The following STK25 variants were observed in gnomAD, a reference collection of about 807,000 sequenced individuals.
STK25 encodes the protein serine/threonine-protein kinase 25.
In STK25, 29 loss-of-function variants were observed where a neutral mutation model predicts 53.8. The observed-to-expected ratio is 0.54, with a 90% confidence interval of 0.40 to 0.74. The LOEUF (loss-of-function observed/expected upper bound fraction) is 0.74. STK25 is among the 30% of genes least tolerant of loss of function. The pLI, the probability that STK25 is intolerant of heterozygous loss-of-function variation, is 0.00. For synonymous variants in STK25, 247 were observed against 238.3 expected (o/e 1.04, Z -0.33); for missense variants, 420 against 568.0 (o/e 0.74, Z 2.65).
rs553216089 is a variant in STK25 at position 241,507,315 on chromosome 2, G to A, written c.30+691C>T. Among the ~76,000 whole-genome samples the A allele has an allele frequency of 7.2e-5, 11 of 152,324 alleles. No individual in the cohort carries two copies. The East Asian group carries it at 2.1e-3, about 29-fold the overall frequency. ...GCAGCTGGTCCTCATTCCAGGCTAA[G>A]GGCTCGCCGTAGTGGCTCCCTCCGA... On this transcript the variant is annotated intron_variant, in intron 2 of 11. Transcript: ENST00000316586.
Position 241,494,168 on chromosome 2 carries a change from A to G in STK25, c.*1494T>C, listed in dbSNP as rs865953320. 9 of 1,238,444 alleles carry G rather than the reference A, an allele frequency of 7.3e-6. No individual in the cohort carries two copies. The Middle Eastern group carries it at 9.7e-4, about 133-fold the overall frequency. The allele number at this position is 1,238,444 out of a possible 1,614,324, so 76.7% of individuals were successfully genotyped here. Reference sequence around the variant, plus strand: ...TTTGGACACAACTACAAAGAACAGCAGGACACAGAGGTGACCTCTGTCCTG... The same window carrying G: ...TTTGGACACAACTACAAAGAACAGCGGGACACAGAGGTGACCTCTGTCCTG... On this transcript the variant is annotated 3_prime_UTR_variant, in exon 12 of 12. Transcript: ENST00000316586. This position sits in a 1 kb window ranked among gnomAD's most constrained non-coding sequence, Gnocchi z 4.9.
In STK25 at chr2:241,493,476, G is replaced by C. The variant is rs781073216; in HGVS notation, c.*2186C>G. 46 of 1,608,074 alleles carry C rather than the reference G, an allele frequency of 2.9e-5. No homozygotes were observed. The highest frequency in any genetic ancestry group is 3.8e-5 in the Non-Finnish European group (45 of 1,175,330). ...TTGCAGGAGGCAGCCCTGGTCAGCT[G>C]CCCATTTCGATGTCCGCTCAGCTCC... On this transcript the variant is annotated 3_prime_UTR_variant, in exon 12 of 12. Transcript: ENST00000316586.
intron 4 of STK25, 85 bp from the exon 5 acceptor site, chr2:241,500,366 C>A: frequency 2.1e-6 from 2 of 955,998 alleles, no homozygotes; most frequent in South Asian, 1.4e-5. Flanking sequence ...CAGGGAAGGG[C>A]TGTCCCTGCA....
chr2:241,501,551 A>T lies in STK25; in HGVS notation c.188T>A (p.Ile63Asn). The T allele has an allele frequency of 6.2e-7, 1 of 1,614,070 alleles. No homozygotes were observed. Among genetic ancestry groups the T allele is most frequent in the Non-Finnish European group, 8.5e-7 (1 of 1,180,030 alleles). The change falls in exon 3 of 12, where the codon ATC becomes AAC. Residue 63 changes from isoleucine (I) to asparagine (N), a missense_variant. Physicochemically the swap from Ile to Asn is moderately radical, Grantham distance 149. Coordinates refer to ENST00000316586, the MANE Select transcript of STK25 (RefSeq NM_001271977.2). The surrounding 1 kb of genome is among the most constrained non-coding windows in gnomAD (Gnocchi z 5.3). ...LEEAEDEIED[I>N]QQEITVLSQC... ...ACTGAGGACAGTGATCTCCTGCTGG[A>T]TGTCCTCGATCTCATCCTCGGCCTC...
At position 241,501,383 on chromosome 2, in the gene STK25, C is replaced by A. The variant is rs781176422; in HGVS notation, c.261+95G>T. The A allele has an allele frequency of 7.7e-7, 1 of 1,296,368 alleles. No individual in the cohort carries two copies. Among genetic ancestry groups the A allele is most frequent in the South Asian group, 1.3e-5 (1 of 79,374 alleles). 80.3% of individuals were successfully genotyped at this position (1,296,368 alleles called of 1,614,324 possible). A position where few individuals can be genotyped will look rare whatever the true frequency, so the allele number is the denominator to read the frequency against. ...AGGGCATGCACTGAACCGTCAAGACCGCCTTGCACCCTCTGGCATGTCACT... is the reference window on the plus strand; with the variant it reads ...AGGGCATGCACTGAACCGTCAAGACAGCCTTGCACCCTCTGGCATGTCACT... On this transcript the variant is annotated intron_variant, in intron 3 of 11. Transcript: ENST00000316586. This position sits in a 1 kb window ranked among gnomAD's most constrained non-coding sequence, Gnocchi z 5.3.
chr2:241,502,268 G>A (rs924129973), intron 2 of STK25, among the ~76,000 whole-genome samples: 3 of 152,150 alleles, frequency 2.0e-5, no homozygotes, highest in South Asian at 4.2e-4. Flanking sequence ...AGGCCAACTC[G>A]ATGAACCCTG....
chr2:241,505,136 G>T (rs2065749430), intron 2 of STK25, among the ~76,000 whole-genome samples: 1 of 150,802 alleles, frequency 6.6e-6, no homozygotes, highest in Non-Finnish European at 1.5e-5. Context: ...TGTTGGCCAG[G>T]CTAGTCTCGA....
At chr2:241,500,146 A>C (rs1179217256) in intron 5 of STK25, 27 bp downstream of exon 5, 10 of 1,589,360 alleles carry the variant, frequency 6.3e-6, no homozygotes, top group Non-Finnish European at 8.6e-6. Flanking sequence ...AGGACGTTAC[A>C]AGAGCCACAT....
Position 241,508,077 on chromosome 2 carries a change from C to A in STK25, c.-42G>T. On this transcript the variant is annotated 5_prime_UTR_variant, in exon 2 of 12. Transcript: ENST00000316586. ...ACCCTCCGCCAGCAGCCCCAGGAGG[C>A]GTCTGGATCCCGCGGAGAGGCGCGG... 1.3e-6 allele frequency: 2 copies of A among 1,578,600 alleles called. No individual in the cohort carries two copies. Among genetic ancestry groups the A allele is most frequent in the South Asian group, 1.2e-5 (1 of 86,040 alleles).
intron 2 of STK25, among the ~76,000 whole-genome samples, chr2:241,506,066 C>T (rs1362191152): frequency 6.6e-6 from 1 of 152,234 alleles, no homozygotes; most frequent in Non-Finnish European, 1.5e-5. Context: ...AGTGCTCTGG[C>T]ACCCCACAGC....
Position 241,493,110 on chromosome 2 carries a change from CT to C in STK25, c.*2551del. ...CACTTAACCCTGCTCACCTGTGTCC[CT>C]TTTGTATTTTGGTTCTGCCCTCCCA... On this transcript the variant is annotated 3_prime_UTR_variant, in exon 12 of 12. Transcript: ENST00000316586. 3 of 1,145,318 alleles carry C rather than the reference CT, an allele frequency of 2.6e-6. No homozygotes were observed. Among genetic ancestry groups the C allele is most frequent in the Non-Finnish European group, 2.6e-6 (2 of 757,184 alleles). 70.9% of individuals were successfully genotyped at this position (1,145,318 alleles called of 1,614,324 possible). A position where few individuals can be genotyped will look rare whatever the true frequency, so the allele number is the denominator to read the frequency against.
rs1293802596 is a variant in STK25 at position 241,494,202 on chromosome 2, C to T, written c.*1460G>A. ...AGGTGACCTCTGTCCTGAGGCTTCTCAACAGATGGGAAGTGGCTGTGGTCT... is the reference window on the plus strand; with the variant it reads ...AGGTGACCTCTGTCCTGAGGCTTCTTAACAGATGGGAAGTGGCTGTGGTCT... On this transcript the variant is annotated 3_prime_UTR_variant, in exon 12 of 12. Transcript: ENST00000316586. The surrounding 1 kb of genome is among the most constrained non-coding windows in gnomAD (Gnocchi z 4.9). 24 of 869,474 alleles carry T rather than the reference C, an allele frequency of 2.8e-5. No homozygotes were observed. Among genetic ancestry groups the T allele is most frequent in the Non-Finnish European group, 3.9e-5 (23 of 595,040 alleles). 53.9% of individuals were successfully genotyped at this position (869,474 alleles called of 1,614,324 possible).
chr2:241,495,272 C>A lies in STK25; in HGVS notation c.*390G>T. 1 of 202,964 alleles carries A rather than the reference C, an allele frequency of 4.9e-6. No homozygotes were observed. Among genetic ancestry groups the A allele is most frequent in the Non-Finnish European group, 1.0e-5 (1 of 99,378 alleles). 12.6% of individuals were successfully genotyped at this position (202,964 alleles called of 1,614,324 possible). A position where few individuals can be genotyped will look rare whatever the true frequency, so the allele number is the denominator to read the frequency against. On this transcript the variant is annotated 3_prime_UTR_variant, in exon 12 of 12. Coordinates refer to ENST00000316586, the MANE Select transcript of STK25 (RefSeq NM_001271977.2). ...CTGGGGGCTGCCCTGTTGCCTCTCCCCACCTCATGGGAGGAGGAGGCAGAG... is the reference window on the plus strand; with the variant it reads ...CTGGGGGCTGCCCTGTTGCCTCTCCACACCTCATGGGAGGAGGAGGCAGAG...
Position 241,498,251 on chromosome 2 carries a change from A to G in STK25, c.1016T>C (p.Leu339Pro). 6.2e-7 allele frequency: 1 copy of G among 1,612,626 alleles called. No homozygotes were observed. The highest frequency in any genetic ancestry group is 8.5e-7 in the Non-Finnish European group (1 of 1,178,924). ...GGAACAGACCTTCTGTGAACTGTGC[A>G]GGGCCGTCCCCTTGTGAAGCTTGCT... ...PHSKLHKGTA[L>P]HSSQKPAEPV... is the part of the protein sequence containing the mutation. The change falls in exon 9 of 12, where the codon CTG becomes CCG. Residue 339 changes from leucine (L) to proline (P), a missense_variant. Physicochemically the swap from Leu to Pro is moderately conservative, Grantham distance 98 (BLOSUM62 -3). Coordinates refer to ENST00000316586, the MANE Select transcript of STK25 (RefSeq NM_001271977.2).
rs777728525 is a variant in STK25, at chr2:241,497,650, C to T, written c.1070G>A (p.Cys357Tyr). The T allele has an allele frequency of 6.2e-7, 1 of 1,613,552 alleles. No individual in the cohort carries two copies. The highest frequency in any genetic ancestry group is 8.5e-7 in the Non-Finnish European group (1 of 1,180,012). The change falls in exon 10 of 12, where the codon TGC becomes TAC. Residue 357 changes from cysteine (C) to tyrosine (Y), a missense_variant. Cys to Tyr is a radical substitution (Grantham distance 194). Coordinates refer to ENST00000316586, the MANE Select transcript of STK25 (RefSeq NM_001271977.2). The part of the protein sequence containing the change: ...EPVKRQPRSQ[C>Y]LSTLVRPVFG... ...GACGGGCCGGACCAGCGTGGACAGG[C>T]ACTGGGACCTCGGCTGCCTCTTGAC...
chr2:241,500,087 A>C, intron 5 of STK25, 86 bp downstream of exon 5: 1 of 1,143,404 alleles, frequency 8.7e-7, no homozygotes, highest in South Asian at 1.3e-5. Flanking sequence ...GGGCACCACT[A>C]GCCACTTGCC....
chr2:241,493,330 A>G lies in STK25; in HGVS notation c.*2332T>C, dbSNP rs1161733871. ...CTGGCCAGCCTCCCGCTGCTGGGCT[A>G]CAGCGTGAGCATCCCCAGGGAGGCC... On this transcript the variant is annotated 3_prime_UTR_variant, in exon 12 of 12. Coordinates refer to ENST00000316586, the MANE Select transcript of STK25 (RefSeq NM_001271977.2). 4 of 1,613,964 alleles carry G rather than the reference A, an allele frequency of 2.5e-6. No individual in the cohort carries two copies. Among genetic ancestry groups the G allele is most frequent in the Non-Finnish European group, 3.4e-6 (4 of 1,179,960 alleles).
At chr2:241,508,202 G>C in intron 1 of STK25, 67 bp from the exon 2 acceptor site, 1 of 1,355,218 alleles carries the variant, frequency 7.4e-7, no homozygotes, top group Non-Finnish European at 9.4e-7. Flanking sequence ...CGGGGCGGCG[G>C]GCTCCATGGG....
chr2:241,493,443 A>G lies in STK25; in HGVS notation c.*2219T>C, dbSNP rs1192066303. On this transcript the variant is annotated 3_prime_UTR_variant, in exon 12 of 12. Transcript: ENST00000316586. ...GGCTGAGAGCAAGTACACATTTGAA[A>G]GGTAATTTTGCAGGAGGCAGCCCTG... The G allele has an allele frequency of 3.7e-6, 6 of 1,613,596 alleles. No homozygotes were observed. Among genetic ancestry groups the G allele is most frequent in the South Asian group, 3.3e-5 (3 of 91,084 alleles).
Sources: allele counts gnomAD v4.1 joint callset (sites outside exome capture counted in the v4.1 genomes callset), GRCh38; gene constraint gnomAD v4.1.1; non-coding constraint Gnocchi (gnomAD v3.1); transcripts MANE v1.5; gene names NCBI Gene and HGNC (gene_info 2026-07-23, HGNC 2026-07-21).